The following TRERF1 variants were observed in gnomAD, a reference collection of about 807,000 sequenced individuals.
The protein encoded by TRERF1 is transcriptional-regulating factor 1.
In TRERF1, 27 loss-of-function variants were observed where a neutral mutation model predicts 122.9. That is an observed-to-expected ratio of 0.22 (90% CI 0.16 to 0.30). The LOEUF (loss-of-function observed/expected upper bound fraction) is 0.30, where lower values mean the gene tolerates loss of function less well. Ranked by LOEUF, TRERF1 falls within the 10% of genes least tolerant of loss-of-function variation. The probability of loss-of-function intolerance (pLI) is 1.00; values close to 1 mark genes in which losing one functional copy is unlikely to be tolerated. For missense variants in TRERF1, 1,248 were observed against 1,560.3 expected (o/e 0.80, Z 3.37); for synonymous variants, 636 against 641.7 (o/e 0.99, Z 0.13).
intron 2 of TRERF1, among the ~76,000 whole-genome samples, chr6:42,413,362 A>AC (rs1781387372): frequency 6.7e-6 from 1 of 150,100 alleles, no homozygotes; most frequent in Non-Finnish European, 1.5e-5. Flanking sequence ...CCAAAGGTAG[A>AC]CCCCATCTGG....
chr6:42,263,347 C>T lies in TRERF1; in HGVS notation c.1857G>A (p.Ser619=), dbSNP rs114126055. The change falls in exon 8 of 18, where the codon TCG becomes TCA. Residue 619 remains serine, a synonymous_variant. Transcript: ENST00000372922. The surrounding 1 kb of genome is among the most constrained non-coding windows in gnomAD (Gnocchi z 5.6). ...GCACAGGCATCTCGTCGTCCGACAT[C>T]GAGCTGGCTGGCTTGTCTCTGGCGG... 29 of 1,612,846 alleles carry T rather than the reference C, an allele frequency of 1.8e-5. No homozygotes were observed. Among genetic ancestry groups the T allele is most frequent in the Non-Finnish European group, 2.4e-5 (28 of 1,179,584 alleles).
At chr6:42,240,859 T>C (rs1773523465) in intron 15 of TRERF1, among the ~76,000 whole-genome samples, 1 of 152,202 alleles carries the variant, frequency 6.6e-6, no homozygotes. Context: ...CTGCTTTTAG[T>C]TGACTGAACT....
intron 3 of TRERF1, among the ~76,000 whole-genome samples, chr6:42,330,124 A>G (rs1765004710): frequency 6.6e-6 from 1 of 152,250 alleles, no homozygotes; most frequent in Admixed American, 6.5e-5. Context: ...TTTGAAATCA[A>G]TAAGAAAATA....
chr6:42,324,583 C>T (rs752303595), intron 3 of TRERF1, among the ~76,000 whole-genome samples: 8 of 152,012 alleles, frequency 5.3e-5, no homozygotes, highest in Non-Finnish European at 8.8e-5. Flanking sequence ...GAAGAGAAAA[C>T]CCAGAAATAA....
At position 42,326,009 on chromosome 6, in the gene TRERF1, CAG is replaced by C. The variant is rs1355132344; in HGVS notation, c.-370-25262_-370-25261del. Reference sequence around the variant, plus strand: ...GGGTACACATGGATGAGAACAGACACAGGGGACTACAAAATGCGGGAGGGTGG... The same window carrying C: ...GGGTACACATGGATGAGAACAGACACGGGACTACAAAATGCGGGAGGGTGG... On this transcript the variant is annotated intron_variant, in intron 3 of 17. Coordinates refer to ENST00000372922, the Ensembl canonical transcript of TRERF1. 2.6e-5 allele frequency among the ~76,000 whole-genome samples: 4 copies of C among 152,252 alleles called. No individual in the cohort carries two copies. The South Asian group carries it at 8.3e-4, about 32-fold the overall frequency.
intron 2 of TRERF1, among the ~76,000 whole-genome samples, chr6:42,367,642 G>A (rs1772997286): frequency 6.6e-6 from 1 of 152,106 alleles, no homozygotes; most frequent in Admixed American, 6.6e-5. Context: ...GCATGGGAGG[G>A]ATTTGGGCCA....
chr6:42,262,857 C>A (rs1778469499), intron 8 of TRERF1, among the ~76,000 whole-genome samples: 1 of 152,172 alleles, frequency 6.6e-6, no homozygotes, highest in African/African-American at 2.4e-5. Context: ...TGGAAGCCTG[C>A]TGCGCCAGTG....
intron 4 of TRERF1, among the ~76,000 whole-genome samples, chr6:42,298,866 G>A (rs1257152496): frequency 1.3e-5 from 2 of 152,150 alleles, no homozygotes; most frequent in Non-Finnish European, 2.9e-5. Context: ...CTTGAGCCCA[G>A]GAGGTGCAGG....
chr6:42,290,741 CTTTTTTTTT>C (rs144168592), intron 4 of TRERF1, among the ~76,000 whole-genome samples: 10 of 92,406 alleles, frequency 1.1e-4, no homozygotes, highest in African/African-American at 3.2e-4. Flanking sequence ...CATTTCTTTC[CTTTTTTTTT>C]TTTTTTTTTT....
In TRERF1 at chr6:42,256,719, G is replaced by T; in HGVS notation, c.2580+9C>A. 1 of 1,611,284 alleles carries T rather than the reference G, an allele frequency of 6.2e-7. No homozygotes were observed. On this transcript the variant is annotated intron_variant, in intron 12 of 17. Transcript: ENST00000372922. ...GAATTTGTAAAGCCTCTTTTTCATG[G>T]TTCCTTACCATCACATCACCTTTGG...
intron 4 of TRERF1, among the ~76,000 whole-genome samples, chr6:42,292,957 C>T (rs1784541550): frequency 6.6e-6 from 1 of 152,180 alleles, no homozygotes; most frequent in Non-Finnish European, 1.5e-5. Context: ...TAACTCTGTC[C>T]GTATATACCA....
intron 10 of TRERF1, among the ~76,000 whole-genome samples, chr6:42,257,714 C>T (rs73424313): frequency 0.075 from 11,356 of 152,296 alleles, 485 homozygotes; most frequent in Middle Eastern, 0.13. Flanking sequence ...TTTGCCTCTC[C>T]TAATACCACC....
At chr6:42,331,065 A>G (rs1765156195) in intron 3 of TRERF1, among the ~76,000 whole-genome samples, 1 of 152,226 alleles carries the variant, frequency 6.6e-6, no homozygotes, top group South Asian at 2.1e-4. Context: ...GCACAGGCAT[A>G]GAATGGAATT....
intron 2 of TRERF1, among the ~76,000 whole-genome samples, chr6:42,425,948 T>A: frequency 6.6e-6 from 1 of 152,102 alleles, no homozygotes. Context: ...ACAAAGACTT[T>A]CCCTGCACGT....
chr6:42,274,454 T>C (rs987271147), intron 4 of TRERF1, among the ~76,000 whole-genome samples: 3 of 152,052 alleles, frequency 2.0e-5, no homozygotes, highest in East Asian at 3.9e-4. Flanking sequence ...GCAGGGGGAT[T>C]ACTTGAGGCC....
At chr6:42,411,928 C>T (rs951690234) in intron 2 of TRERF1, among the ~76,000 whole-genome samples, 2 of 151,956 alleles carry the variant, frequency 1.3e-5, no homozygotes, top group South Asian at 2.1e-4. Flanking sequence ...CTGCAGACAC[C>T]GTGGATTCTG....
intron 3 of TRERF1, among the ~76,000 whole-genome samples, chr6:42,313,374 A>G (rs535660970): frequency 6.6e-6 from 1 of 152,270 alleles, no homozygotes; most frequent in African/African-American, 2.4e-5. Context: ...CGTTCACATC[A>G]GTTTTCTTCA....
chr6:42,404,979 T>C (rs990528716), intron 2 of TRERF1, among the ~76,000 whole-genome samples: 3 of 152,148 alleles, frequency 2.0e-5, no homozygotes, highest in African/African-American at 7.2e-5. Flanking sequence ...AGTCAGCAGA[T>C]AGGTCAGTTT....
At position 42,259,595 on chromosome 6, in the gene TRERF1, C is replaced by A; in HGVS notation, c.2013G>T (p.Pro671=). ...CGCCCGAGTAGGAGGCAGCGGGGTT[C>A]GGGTTGTAGGAGGGCGGCGGCGGGA... Residue 671 remains proline (P), a synonymous_variant, in exon 9 of 18, where the codon CCG becomes CCT. Transcript: ENST00000372922. This position sits in a 1 kb window ranked among gnomAD's most constrained non-coding sequence, Gnocchi z 4.9. 6.2e-6 allele frequency: 10 copies of A among 1,613,798 alleles called. No individual in the cohort carries two copies. Among genetic ancestry groups the A allele is most frequent in the East Asian group, 2.2e-5 (1 of 44,878 alleles).
Sources: gnomAD v4.1 joint callset for allele counts (sites outside exome capture counted in the v4.1 genomes callset) on GRCh38, gnomAD v4.1.1 for gene constraint, Gnocchi (gnomAD v3.1) non-coding constraint, MANE v1.5 for transcripts, NCBI Gene and HGNC (gene_info 2026-07-23, HGNC 2026-07-21) for gene names.